JAK2: variants seen among roughly 807,000 people sequenced by gnomAD.
The protein encoded by JAK2 is Janus kinase 2, also known as tyrosine-protein kinase JAK2.
A neutral mutation model predicts 139.3 loss-of-function variants in JAK2; 86 were observed. The observed-to-expected ratio is 0.62, with a 90% CI of 0.52 to 0.74. The LOEUF is 0.74. Among genes scored for constraint, JAK2 ranks in the 30% least tolerant of loss-of-function variants. JAK2 has a pLI of 0.00. For synonymous variants in JAK2, 490 were observed against 437.7 expected (o/e 1.12, Z -1.49); for missense variants, 1,421 against 1,360.3 (o/e 1.04, Z -0.70).
intron 2 of JAK2, among the ~76,000 whole-genome samples, chr9:5,003,056 GT>G (rs1487018657): frequency 1.3e-5 from 2 of 151,832 alleles, no homozygotes; most frequent in African/African-American, 4.8e-5. Flanking sequence ...ATGTGAGTAT[GT>G]TTTTTTGGAC....
At chr9:5,087,272 GGA>G (rs1820200265) in intron 19 of JAK2, among the ~76,000 whole-genome samples, 1 of 152,194 alleles carries the variant, frequency 6.6e-6, no homozygotes, top group African/African-American at 2.4e-5. Context: ...CAGGGCAGCA[GGA>G]GAGAGAATGA....
intron 8 of JAK2, among the ~76,000 whole-genome samples, chr9:5,056,667 T>C (rs1817790643): frequency 6.6e-6 from 1 of 152,180 alleles, no homozygotes; most frequent in South Asian, 2.1e-4. Context: ...ACTCAGGGCC[T>C]AGTTTAGAAA....
chr9:5,088,826 C>A (rs1318761883), intron 19 of JAK2, among the ~76,000 whole-genome samples: 1 of 152,192 alleles, frequency 6.6e-6, no homozygotes, highest in Non-Finnish European at 1.5e-5. Flanking sequence ...AGCCTTGTCA[C>A]ATTAGAGTTC....
Position 5,054,249 on chromosome 9 carries a change from AAT to A in JAK2, c.615-312_615-311del, listed in dbSNP as rs1263467988. On this transcript the variant is annotated intron_variant, in intron 6 of 24. Transcript: ENST00000381652. The surrounding 1 kb of genome is among the most constrained non-coding windows in gnomAD (Gnocchi z 4.9). ...ATAAACCATTAACTCTGGTATGTGA[AAT>A]AGAGAAAAGGAATTTTTAGAGATTC... Among the ~76,000 whole-genome samples, 1 of 152,062 alleles carries A rather than the reference AAT, an allele frequency of 6.6e-6. No individual in the cohort carries two copies. Among genetic ancestry groups the A allele is most frequent in the Non-Finnish European group, 1.5e-5 (1 of 67,924 alleles).
At chr9:4,986,650 C>T (rs1476884744) in intron 2 of JAK2, among the ~76,000 whole-genome samples, 2 of 152,084 alleles carry the variant, frequency 1.3e-5, no homozygotes, top group Admixed American at 1.3e-4. Flanking sequence ...ATTTTGTATC[C>T]CTTCTCCAGA....
chr9:5,042,339 T>G (rs372786846), intron 4 of JAK2, among the ~76,000 whole-genome samples: 1,820 of 151,224 alleles, frequency 0.012, 30 homozygotes, highest in Middle Eastern at 0.024. Flanking sequence ...GGGTTTCACC[T>G]TGTTAGCCAG....
intron 22 of JAK2, chr9:5,110,866 G>A (rs1483772060): frequency 6.0e-6 from 3 of 501,020 alleles, no homozygotes; most frequent in African/African-American, 3.9e-5. Context: ...ATGCCGCCGC[G>A]CCCAGCAGGG....
chr9:5,078,191 TTATTATACTATCA>T, intron 15 of JAK2, 102 bp from the exon 16 acceptor site: 1 of 812,094 alleles, frequency 1.2e-6, no homozygotes, highest in Non-Finnish European at 1.9e-6. Context: ...TGCCTCCAAA[TTATTATACTATCA>T]TGTATTTTTC....
chr9:5,009,465 T>G (rs902755167), intron 2 of JAK2, among the ~76,000 whole-genome samples: 1 of 152,144 alleles, frequency 6.6e-6, no homozygotes, highest in Non-Finnish European at 1.5e-5. Context: ...TAAACTTTAT[T>G]TATTCTCTGC....
At chr9:5,116,059 A>C (rs1340899556) in intron 22 of JAK2, among the ~76,000 whole-genome samples, 1 of 152,112 alleles carries the variant, frequency 6.6e-6, no homozygotes, top group Non-Finnish European at 1.5e-5. Context: ...AAGTATAATA[A>C]AATTTAAAAA....
intron 19 of JAK2, among the ~76,000 whole-genome samples, chr9:5,086,278 C>T (rs1820106824): frequency 6.6e-6 from 1 of 152,170 alleles, no homozygotes; most frequent in Non-Finnish European, 1.5e-5. Flanking sequence ...CGCGATCCTC[C>T]TGCCAGGACC....
At chr9:5,080,446 T>G in intron 17 of JAK2, 66 bp downstream of exon 17, 1 of 1,543,606 alleles carries the variant, frequency 6.5e-7, no homozygotes, top group Non-Finnish European at 8.8e-7. Context: ...TTCACATGAT[T>G]TGTATTTTTT....
At chr9:5,002,031 A>G (rs1820955222) in intron 2 of JAK2, among the ~76,000 whole-genome samples, 1 of 151,754 alleles carries the variant, frequency 6.6e-6, no homozygotes, top group Non-Finnish European at 1.5e-5. Flanking sequence ...CTTTTTTTAC[A>G]TCATATGGGG....
intron 4 of JAK2, among the ~76,000 whole-genome samples, chr9:5,033,155 GATGAAATGA>G (rs1186389968): frequency 6.6e-6 from 1 of 152,210 alleles, no homozygotes; most frequent in Non-Finnish European, 1.5e-5. Context: ...AGAGATGGAA[GATGAAATGA>G]ATGAAATGAA....
At chr9:5,060,669 G>A (rs948889392) in intron 8 of JAK2, among the ~76,000 whole-genome samples, 4 of 152,080 alleles carry the variant, frequency 2.6e-5, no homozygotes, top group African/African-American at 9.7e-5. Flanking sequence ...CATTGAAGTC[G>A]TGAACCCCTC....
At chr9:5,003,272 GA>G (rs1205483009) in intron 2 of JAK2, among the ~76,000 whole-genome samples, 1 of 151,950 alleles carries the variant, frequency 6.6e-6, no homozygotes. Flanking sequence ...ATTTTAATTG[GA>G]AGTGGGTTGA....
chr9:5,041,895 T>A, intron 4 of JAK2: 1 of 415,948 alleles, frequency 2.4e-6, no homozygotes, highest in Non-Finnish European at 4.6e-6. Flanking sequence ...TCAGGGCGCC[T>A]GCAGAGATGG....
At chr9:4,993,065 A>T (rs1343173397) in intron 2 of JAK2, among the ~76,000 whole-genome samples, 8 of 152,132 alleles carry the variant, frequency 5.3e-5, no homozygotes, top group African/African-American at 1.9e-4. Context: ...CCCCTTTTAT[A>T]TAGCAACTGT....
At chr9:5,096,527 T>A (rs1164750925) in intron 22 of JAK2, 1 of 152,260 alleles carries the variant, frequency 6.6e-6, no homozygotes, top group Non-Finnish European at 1.5e-5. Context: ...GGAGAAGCCC[T>A]GGCAGCATTG....
Sources: allele counts gnomAD v4.1 joint callset (sites outside exome capture counted in the v4.1 genomes callset), GRCh38; gene constraint gnomAD v4.1.1; non-coding constraint Gnocchi (gnomAD v3.1); transcripts MANE v1.5; gene names NCBI Gene and HGNC (gene_info 2026-07-23, HGNC 2026-07-21).